Variants in LRP1B observed in about 807,000 individuals in gnomAD.
LRP1B encodes the protein low-density lipoprotein receptor-related protein 1B.
Under a neutral mutation model 556.6 loss-of-function variants are expected in LRP1B, and 217 were observed. The observed-to-expected ratio is 0.39, with a 90% CI of 0.35 to 0.44. The LOEUF is 0.44. Among genes scored for constraint, LRP1B ranks in the 20% least tolerant of loss-of-function variants. The pLI, the probability that LRP1B is intolerant of heterozygous loss-of-function variation, is 1.00. For synonymous variants in LRP1B, 2,047 were observed against 1,865.8 expected (o/e 1.10, Z -2.50); for missense variants, 5,053 against 5,620.8 (o/e 0.90, Z 3.23).
intron 1 of LRP1B, among the ~76,000 whole-genome samples, chr2:142,107,569 C>A (rs1050578924): frequency 6.6e-6 from 1 of 152,066 alleles, no homozygotes; most frequent in Non-Finnish European, 1.5e-5. Context: ...ATAAAATGGG[C>A]TAAGACAGTT....
chr2:141,764,752 TA>T (rs1259937907), intron 2 of LRP1B, among the ~76,000 whole-genome samples: 1 of 152,084 alleles, frequency 6.6e-6, no homozygotes, highest in African/African-American at 2.4e-5. Context: ...AAAATGTTTA[TA>T]ACTATGATAG....
chr2:140,851,536 T>G (rs544381037), intron 28 of LRP1B, 116 bp downstream of exon 28: 19 of 1,174,766 alleles, frequency 1.6e-5, no homozygotes, highest in Non-Finnish European at 2.3e-5. Flanking sequence ...TAAAATATTT[T>G]TGAAAACAGA....
At chr2:141,741,377 C>G (rs1457153363) in intron 2 of LRP1B, among the ~76,000 whole-genome samples, 1 of 137,362 alleles carries the variant, frequency 7.3e-6, no homozygotes, top group African/African-American at 2.7e-5. Flanking sequence ...AGCCTCCAAA[C>G]TGTTCTATAA....
intron 4 of LRP1B, among the ~76,000 whole-genome samples, chr2:141,248,498 A>T (rs1684148295): frequency 6.6e-6 from 1 of 152,192 alleles, no homozygotes; most frequent in Admixed American, 6.5e-5. Flanking sequence ...CTTTCCTCAG[A>T]CTAAGCAGAA....
intron 1 of LRP1B, among the ~76,000 whole-genome samples, chr2:142,112,083 T>C (rs1205479004): frequency 6.6e-6 from 1 of 152,086 alleles, no homozygotes; most frequent in Non-Finnish European, 1.5e-5. Flanking sequence ...TGAATTCTAC[T>C]AGTACATGTA....
intron 7 of LRP1B, among the ~76,000 whole-genome samples, chr2:141,147,245 C>A (rs1701808421): frequency 6.6e-6 from 1 of 152,110 alleles, no homozygotes; most frequent in Non-Finnish European, 1.5e-5. Context: ...TTTCTAGGCT[C>A]TTCAGTGCCT....
At chr2:141,878,811 A>T (rs942976099) in intron 1 of LRP1B, among the ~76,000 whole-genome samples, 2 of 151,620 alleles carry the variant, frequency 1.3e-5, no homozygotes, top group Admixed American at 6.6e-5. Flanking sequence ...TCTATTTGGA[A>T]TTTTTTTTTA....
chr2:141,832,325 T>TCA (rs1394312046), intron 1 of LRP1B, among the ~76,000 whole-genome samples: 13 of 86,276 alleles, frequency 1.5e-4, no homozygotes, highest in South Asian at 4.0e-4. Context: ...TCTCTTTCTC[T>TCA]CTCACACACA....
At chr2:141,771,528 T>C (rs1179612706) in intron 2 of LRP1B, among the ~76,000 whole-genome samples, 2 of 152,104 alleles carry the variant, frequency 1.3e-5, no homozygotes. Flanking sequence ...ATTGGAAAAA[T>C]CAGAAAACAA....
intron 1 of LRP1B, among the ~76,000 whole-genome samples, chr2:141,977,493 CAG>C: frequency 6.6e-6 from 1 of 152,122 alleles, no homozygotes; most frequent in Admixed American, 6.5e-5. Flanking sequence ...ACCCAGGAGA[CAG>C]AGGTTGCAGT....
At position 140,928,562 on chromosome 2, in the gene LRP1B, A is replaced by G. The variant is rs367617647; in HGVS notation, c.3137-5415T>C. Reference sequence around the variant, plus strand: ...GGAAGATACATCATTTCTGATCACAATTCATTGACCAAACCTCATCATATA... The same window carrying G: ...GGAAGATACATCATTTCTGATCACAGTTCATTGACCAAACCTCATCATATA... On this transcript the variant is annotated intron_variant, in intron 20 of 90. Transcript: ENST00000389484. 1.2e-4 allele frequency among the ~76,000 whole-genome samples: 18 copies of G among 152,238 alleles called. No individual in the cohort carries two copies. In the East Asian group the frequency reaches 3.1e-3, roughly 26 times the overall value.
At chr2:141,946,096 C>T (rs536848962) in intron 1 of LRP1B, among the ~76,000 whole-genome samples, 1 of 152,152 alleles carries the variant, frequency 6.6e-6, no homozygotes, top group South Asian at 2.1e-4. Context: ...ACCGTTGTGG[C>T]TGAGACTTAA....
At chr2:141,506,870 A>G (rs1683952032) in intron 2 of LRP1B, among the ~76,000 whole-genome samples, 2 of 152,150 alleles carry the variant, frequency 1.3e-5, no homozygotes, top group East Asian at 1.9e-4. Context: ...AAATTGAAAC[A>G]TAGTTCTAAT....
intron 1 of LRP1B, among the ~76,000 whole-genome samples, chr2:142,106,564 T>C (rs939387548): frequency 8.5e-5 from 13 of 152,192 alleles, no homozygotes; most frequent in Non-Finnish European, 1.8e-4. Context: ...TTATAAATTC[T>C]ATGTCATTAA....
chr2:140,750,079 TACACAC>T (rs59747381), intron 35 of LRP1B, among the ~76,000 whole-genome samples: 8,850 of 150,666 alleles, frequency 0.059, 352 homozygotes, highest in Admixed American at 0.1. Flanking sequence ...TGTGCACACG[TACACAC>T]ACACACACAC....
chr2:140,604,601 G>C (rs911110683), intron 41 of LRP1B, among the ~76,000 whole-genome samples: 1 of 152,072 alleles, frequency 6.6e-6, no homozygotes, highest in Non-Finnish European at 1.5e-5. Flanking sequence ...TTACCAAATG[G>C]GAAAGGCAGT....
chr2:141,745,466 C>T (rs752820713), intron 2 of LRP1B, among the ~76,000 whole-genome samples: 1 of 152,118 alleles, frequency 6.6e-6, no homozygotes, highest in Non-Finnish European at 1.5e-5. Context: ...ACCACCACCA[C>T]AGGTCCATAA....
At position 141,931,476 on chromosome 2, in the gene LRP1B, TAG is replaced by T. The variant is rs1020959226; in HGVS notation, c.83-121077_83-121076del. Among the ~76,000 whole-genome samples the T allele has an allele frequency of 5.7e-3, 862 of 152,044 alleles. 10 individuals are homozygous for T. Among genetic ancestry groups the T allele is most frequent in the African/African-American group, 0.02 (832 of 41,516 alleles). On this transcript the variant is annotated intron_variant, in intron 1 of 90. Coordinates refer to ENST00000389484, the MANE Select transcript of LRP1B (RefSeq NM_018557.3). ...AGGAGGTAGAATTGTACTCAGAAAATAGAGAAAGAACGCTTCTAAGATTAGCA... is the reference window on the plus strand; with the variant it reads ...AGGAGGTAGAATTGTACTCAGAAAATAGAAAGAACGCTTCTAAGATTAGCA...
chr2:140,509,083 A>AACAC (rs61074935), intron 52 of LRP1B, among the ~76,000 whole-genome samples: 51,004 of 148,674 alleles, frequency 0.34, 8,834 homozygotes, highest in African/African-American at 0.41. Flanking sequence ...CACACACACA[A>AACAC]ACACACACAC....
Sources: allele counts gnomAD v4.1 joint callset (sites outside exome capture counted in the v4.1 genomes callset), GRCh38; gene constraint gnomAD v4.1.1; transcripts MANE v1.5; gene names NCBI Gene and HGNC (gene_info 2026-07-23, HGNC 2026-07-21).